FOXP2: variants seen among roughly 807,000 people sequenced by gnomAD.
FOXP2 encodes forkhead box protein P2.
FOXP2 carries 12 observed loss-of-function variants against 115.8 expected under a neutral mutation model. That is an observed-to-expected ratio of 0.10 (90% CI 0.07 to 0.17). The LOEUF (loss-of-function observed/expected upper bound fraction) is 0.17, where lower values mean the gene tolerates loss of function less well. FOXP2 is among the 10% of genes least tolerant of loss of function. FOXP2 has a pLI of 1.00. For synonymous variants in FOXP2, 328 were observed against 297.7 expected (o/e 1.10, Z -1.05); for missense variants, 629 against 843.5 (o/e 0.75, Z 3.15).
intron 2 of FOXP2, among the ~76,000 whole-genome samples, chr7:114,357,853 C>A (rs1000266502): frequency 6.6e-6 from 1 of 152,038 alleles, no homozygotes; most frequent in African/African-American, 2.4e-5. Context: ...AAGAGTAATA[C>A]TATCCTTCTT....
At chr7:114,163,272 C>A (rs1792888622) in intron 1 of FOXP2, among the ~76,000 whole-genome samples, 1 of 151,906 alleles carries the variant, frequency 6.6e-6, no homozygotes, top group African/African-American at 2.4e-5. Context: ...TAAAATGATA[C>A]CTTACAATAA....
rs115735353 is a variant in FOXP2, at chr7:114,682,562, C to T, written c.2004-7220C>T. On this transcript the variant is annotated intron_variant, in intron 16 of 16. Transcript: ENST00000350908. Reference sequence around the variant, plus strand: ...CTAATTATCCTATGGTAGTGTAACACATGGCACCTTGAGGAATTTGCAGAA... The same window carrying T: ...CTAATTATCCTATGGTAGTGTAACATATGGCACCTTGAGGAATTTGCAGAA... Among the ~76,000 whole-genome samples, 1,032 of 152,250 alleles carry T rather than the reference C, an allele frequency of 6.8e-3. 10 individuals carry two copies. The highest frequency in any genetic ancestry group is 0.023 in the African/African-American group (971 of 41,548).
chr7:114,563,224 T>C (rs1199962019), intron 3 of FOXP2, among the ~76,000 whole-genome samples: 5 of 152,212 alleles, frequency 3.3e-5, no homozygotes, highest in East Asian at 1.9e-4. Context: ...GGTAGGGACA[T>C]AGCCAAACCA....
chr7:114,482,366 A>G (rs1436574803), intron 2 of FOXP2, among the ~76,000 whole-genome samples: 1 of 151,590 alleles, frequency 6.6e-6, no homozygotes, highest in Non-Finnish European at 1.5e-5. Flanking sequence ...TTTTAAATTT[A>G]AAGATAGCAG....
At chr7:114,114,880 A>G (rs999413846) in intron 1 of FOXP2, among the ~76,000 whole-genome samples, 3 of 152,196 alleles carry the variant, frequency 2.0e-5, no homozygotes, top group African/African-American at 7.2e-5. Context: ...ACATAGAGAG[A>G]CTGAAATCAT....
At chr7:114,587,342 C>T (rs892492150) in intron 3 of FOXP2, among the ~76,000 whole-genome samples, 6 of 152,052 alleles carry the variant, frequency 3.9e-5, no homozygotes, top group Non-Finnish European at 7.4e-5. Context: ...GTTTTCTGAT[C>T]CTGTGTTCAT....
chr7:114,631,643 G>T lies in FOXP2; in HGVS notation c.713G>T (p.Arg238Leu). The change falls in exon 6 of 17, where the codon CGT becomes CTT. Residue 238 changes from arginine to leucine, a missense_variant. Arg to Leu is a moderately radical substitution (Grantham distance 102). Coordinates refer to ENST00000350908, the MANE Select transcript of FOXP2 (RefSeq NM_014491.4). ...CAGCAGCATCTGCTCAGCCTTCAGC[G>T]TCAGGGACTCATCTCCATTCCACCT... ...QQQQHLLSLQ[R>L]QGLISIPPGQ... 1 of 1,614,070 alleles carries T rather than the reference G, an allele frequency of 6.2e-7. No individual in the cohort carries two copies. The highest frequency in any genetic ancestry group is 8.5e-7 in the Non-Finnish European group (1 of 1,180,012).
intron 3 of FOXP2, among the ~76,000 whole-genome samples, chr7:114,615,073 G>A (rs1431338522): frequency 1.3e-5 from 2 of 152,060 alleles, no homozygotes; most frequent in East Asian, 3.9e-4. Flanking sequence ...GCAAAAATTA[G>A]CCAGGCGTGG....
chr7:114,300,557 T>C (rs1215014605), intron 2 of FOXP2, among the ~76,000 whole-genome samples: 1 of 152,030 alleles, frequency 6.6e-6, no homozygotes, highest in Non-Finnish European at 1.5e-5. Context: ...GAAAAAGTTC[T>C]TATTCTCAAC....
chr7:114,174,476 T>G (rs2129153623), intron 1 of FOXP2, among the ~76,000 whole-genome samples: 1 of 152,190 alleles, frequency 6.6e-6, no homozygotes, highest in African/African-American at 2.4e-5. Context: ...CTGATAGATA[T>G]TTATGTTTCT....
intron 3 of FOXP2, among the ~76,000 whole-genome samples, chr7:114,600,976 T>C (rs1206894505): frequency 6.6e-6 from 1 of 151,736 alleles, no homozygotes; most frequent in African/African-American, 2.4e-5. Flanking sequence ...TTTTTTTTAA[T>C]TTTTTGAAAC....
At chr7:114,570,623 A>T (rs1482728244) in intron 3 of FOXP2, among the ~76,000 whole-genome samples, 1 of 151,826 alleles carries the variant, frequency 6.6e-6, no homozygotes, top group Non-Finnish European at 1.5e-5. Context: ...CATCTGCCAA[A>T]TTATTTCTAT....
chr7:114,647,342 T>C (rs1584989825), intron 8 of FOXP2, among the ~76,000 whole-genome samples: 1 of 151,544 alleles, frequency 6.6e-6, no homozygotes, highest in East Asian at 1.9e-4. Context: ...GTTGCTTATG[T>C]ATAACACATA....
intron 1 of FOXP2, among the ~76,000 whole-genome samples, chr7:114,138,603 G>A (rs567193857): frequency 6.6e-6 from 1 of 152,098 alleles, no homozygotes; most frequent in Non-Finnish European, 1.5e-5. Context: ...ATGTTGGCCA[G>A]ACTGGTCTCG....
At chr7:114,292,425 C>G (rs1232787696) in intron 2 of FOXP2, among the ~76,000 whole-genome samples, 1 of 152,070 alleles carries the variant, frequency 6.6e-6, no homozygotes, top group East Asian at 1.9e-4. Flanking sequence ...GCTAAAACCA[C>G]CAGACTAATT....
At chr7:114,270,733 T>G (rs912112779) in intron 1 of FOXP2, among the ~76,000 whole-genome samples, 3 of 152,146 alleles carry the variant, frequency 2.0e-5, no homozygotes, top group Non-Finnish European at 4.4e-5. Flanking sequence ...ATGTGTCTGT[T>G]GCACATATTT....
rs56188618 is a variant in FOXP2 at position 114,603,829 on chromosome 7, C to T, written c.259-24711C>T. On this transcript the variant is annotated intron_variant, in intron 3 of 16. Transcript: ENST00000350908. ...ACTCCCTTCAAATAGCCTTAAAAAA[C>T]GAAATTATTTATTGATATTTGTTGT... is the stretch of plus-strand genomic sequence containing the variant. 9.6e-3 allele frequency among the ~76,000 whole-genome samples: 1,461 copies of T among 152,158 alleles called. 10 individuals are homozygous for T. Among genetic ancestry groups the T allele is most frequent in the Non-Finnish European group, 0.016 (1,061 of 67,990 alleles).
chr7:114,372,159 G>A (rs1248247882), intron 2 of FOXP2, among the ~76,000 whole-genome samples: 1 of 152,088 alleles, frequency 6.6e-6, no homozygotes, highest in Non-Finnish European at 1.5e-5. Context: ...GTAGATAAAG[G>A]ATATTATTCC....
chr7:114,401,148 CG>C (rs775806777), intron 2 of FOXP2, among the ~76,000 whole-genome samples: 3 of 152,012 alleles, frequency 2.0e-5, no homozygotes, highest in Non-Finnish European at 2.9e-5. Context: ...TTTGATAAAA[CG>C]GTTTTACAAG....
Sources: gnomAD v4.1 joint callset for allele counts (sites outside exome capture counted in the v4.1 genomes callset) on GRCh38, gnomAD v4.1.1 for gene constraint, MANE v1.5 for transcripts, NCBI Gene and HGNC (gene_info 2026-07-23, HGNC 2026-07-21) for gene names.